DNAJC13: variants seen among roughly 807,000 people sequenced by gnomAD.
The protein encoded by DNAJC13 is dnaJ homolog subfamily C member 13.
In DNAJC13, 75 loss-of-function variants were observed where a neutral mutation model predicts 290.5. The ratio of observed to expected loss-of-function variants is 0.26; its 90% CI spans 0.21 to 0.31. The LOEUF (loss-of-function observed/expected upper bound fraction) is 0.31. Ranked by LOEUF, DNAJC13 falls within the 10% of genes least tolerant of loss-of-function variation. The pLI is 1.00. For synonymous variants in DNAJC13, 862 were observed against 892.0 expected (o/e 0.97, Z 0.60); for missense variants, 2,260 against 2,674.5 (o/e 0.85, Z 3.42).
chr3:132,478,172 GA>G lies in DNAJC13; in HGVS notation c.2709+33del, dbSNP rs764577521. The G allele has an allele frequency of 2.9e-5, 45 of 1,562,056 alleles. No individual in the cohort carries two copies. The South Asian group carries it at 3.7e-4, about 13-fold the overall frequency. Reference sequence around the variant, plus strand: ...ATATCATTTAAGGAAATTACTATTTGATAGTGTCACTAGGGTATGTGTTAAA... The same window carrying G: ...ATATCATTTAAGGAAATTACTATTTGTAGTGTCACTAGGGTATGTGTTAAA... On this transcript the variant is annotated intron_variant, in intron 24 of 55. Coordinates refer to ENST00000260818, the MANE Select transcript of DNAJC13 (RefSeq NM_015268.4).
At position 132,466,408 on chromosome 3, in the gene DNAJC13, T is replaced by C; in HGVS notation, c.2064+14T>C. ...AAAATAGCAATGGTAAATATGACTG[T>C]CCCAAGTGTGCCTTTTTTAGGAGTA... On this transcript the variant is annotated intron_variant, in intron 19 of 55. Coordinates refer to ENST00000260818, the MANE Select transcript of DNAJC13 (RefSeq NM_015268.4). 6.4e-7 allele frequency: 1 copy of C among 1,562,728 alleles called. No homozygotes were observed. The highest frequency in any genetic ancestry group is 8.6e-7 in the Non-Finnish European group (1 of 1,161,514).
At chr3:132,529,605 G>A (rs1265943490) in intron 54 of DNAJC13, among the ~76,000 whole-genome samples, 3 of 152,102 alleles carry the variant, frequency 2.0e-5, no homozygotes, top group Non-Finnish European at 4.4e-5. Context: ...GGCTAACACG[G>A]TGAAACCCCG....
intron 54 of DNAJC13, among the ~76,000 whole-genome samples, chr3:132,529,966 G>T (rs943621753): frequency 3.3e-5 from 5 of 152,142 alleles, no homozygotes; most frequent in Non-Finnish European, 5.9e-5. Flanking sequence ...ACTTGCAGCA[G>T]TTGTCTTGTC....
intron 2 of DNAJC13, among the ~76,000 whole-genome samples, chr3:132,438,286 A>G (rs1939431530): frequency 6.6e-6 from 1 of 152,212 alleles, no homozygotes; most frequent in Admixed American, 6.5e-5. Context: ...GGTGATAGTT[A>G]TCATTTCATT....
At chr3:132,445,292 A>T (rs949878851) in intron 2 of DNAJC13, among the ~76,000 whole-genome samples, 9 of 152,160 alleles carry the variant, frequency 5.9e-5, no homozygotes, top group African/African-American at 1.7e-4. Flanking sequence ...AGATATTTCA[A>T]TAAATATAAC....
At chr3:132,475,554 G>A (rs1398113718) in intron 22 of DNAJC13, among the ~76,000 whole-genome samples, 2 of 152,102 alleles carry the variant, frequency 1.3e-5, no homozygotes, top group East Asian at 3.9e-4. Flanking sequence ...TTTTATACGT[G>A]TGGGTGTATA....
In DNAJC13 at chr3:132,466,962, C is replaced by A. The variant is rs539862087; in HGVS notation, c.2065-208C>A. Among the ~76,000 whole-genome samples, 6 of 152,282 alleles carry A rather than the reference C, an allele frequency of 3.9e-5. No individual in the cohort carries two copies. In the East Asian group the frequency reaches 1.2e-3, roughly 29 times the overall value. On this transcript the variant is annotated intron_variant, in intron 19 of 55. Coordinates refer to ENST00000260818, the MANE Select transcript of DNAJC13 (RefSeq NM_015268.4). ...CAGCTCCCACTTGCATCTTGCCACC[C>A]CTCATAAAAGAATCATCTTGAAACC...
At position 132,528,313 on chromosome 3, in the gene DNAJC13, G is replaced by A. The variant is rs1936320608; in HGVS notation, c.6506G>A (p.Ser2169Asn). The A allele has an allele frequency of 1.9e-6, 3 of 1,614,188 alleles. No individual in the cohort carries two copies. The East Asian group carries it at 6.7e-5, about 36-fold the overall frequency. Residue 2169 changes from serine (S) to asparagine (N), a missense_variant, in exon 54 of 56, where the codon AGT (serine) becomes AAT (asparagine). Around this residue, in one of 3 missense-constraint regions of DNAJC13, gnomAD observed 1,494 missense variants for 1,693.7 expected, o/e 0.88. Transcript: ENST00000260818. ...AAAGCTCTCAAGGCAATGACTCGAA[G>A]TTTGCAGTATGGAGAACAGGTGAGT... ...IVKALKAMTR[S>N]LQYGEQVNEI...
chr3:132,478,511 GA>G (rs1559888178), intron 24 of DNAJC13, among the ~76,000 whole-genome samples: 2 of 152,194 alleles, frequency 1.3e-5, no homozygotes, highest in Non-Finnish European at 2.9e-5. Flanking sequence ...ACTAAATTTA[GA>G]AGTGTGAAGA....
chr3:132,451,003 A>T (rs960188206), intron 6 of DNAJC13, among the ~76,000 whole-genome samples, 156 bp downstream of exon 6: 1 of 152,322 alleles, frequency 6.6e-6, no homozygotes, highest in East Asian at 1.9e-4. Context: ...CTGAGCTTGA[A>T]TCCCAGTTTG....
Position 132,475,021 on chromosome 3 carries a change from C to A in DNAJC13, c.2381C>A (p.Ala794Glu). The A allele has an allele frequency of 6.2e-7, 1 of 1,610,934 alleles. No individual in the cohort carries two copies. Among genetic ancestry groups the A allele is most frequent in the Non-Finnish European group, 8.5e-7 (1 of 1,178,324 alleles). The change falls in exon 22 of 56, where the codon GCA becomes GAA. Residue 794 changes from alanine (A) to glutamate (E), a missense_variant. This residue lies in a region of DNAJC13 where 762 missense variants were observed against 964.1 expected (regional missense o/e 0.79). Transcript: ENST00000260818. ...LKDTLESEMR[A>E]FNIDRELGSA... ...GATACTCTTGAATCTGAAATGAGAG[C>A]ATTTAATATTGACAGAGAACTTGGA... is the stretch of plus-strand genomic sequence containing the variant.
intron 1 of DNAJC13, among the ~76,000 whole-genome samples, chr3:132,419,385 C>T (rs1162024081): frequency 8.0e-6 from 1 of 125,170 alleles, no homozygotes; most frequent in Non-Finnish European, 1.6e-5. Context: ...AAACAAAATA[C>T]TTAAGCTAAA....
chr3:132,502,644 C>T (rs1935456133), intron 40 of DNAJC13, among the ~76,000 whole-genome samples, 176 bp downstream of exon 40: 3 of 152,132 alleles, frequency 2.0e-5, no homozygotes, highest in Admixed American at 2.0e-4. Context: ...GTTGTAATTG[C>T]TTATGCTTAA....
chr3:132,447,467 A>T lies in DNAJC13; in HGVS notation c.291A>T (p.Ala97=). Residue 97 remains alanine (A), a synonymous_variant, in exon 4 of 56, where the codon GCA becomes GCT. Coordinates refer to ENST00000260818, the MANE Select transcript of DNAJC13 (RefSeq NM_015268.4). ...TEHRTELLTE[A]LRFRTDFSEG... is the part of the protein sequence containing the mutation. ...ACAGAACAGAACTTCTTACAGAAGC[A>T]TTGGTAAGAAGATTCCATGTTCATA... The T allele has an allele frequency of 7.6e-6, 12 of 1,570,368 alleles. No homozygotes were observed. The highest frequency in any genetic ancestry group is 1.0e-5 in the Non-Finnish European group (12 of 1,166,506).
chr3:132,524,467 TATAGAATAGTC>T (rs1936189112), intron 51 of DNAJC13, among the ~76,000 whole-genome samples: 1 of 152,240 alleles, frequency 6.6e-6, no homozygotes, highest in Non-Finnish European at 1.5e-5. Context: ...TTGCTGCATT[TATAGAATAGTC>T]ATAGCAGCTG....
chr3:132,490,830 A>G, intron 31 of DNAJC13, 67 bp from the exon 32 acceptor site: 1 of 1,379,160 alleles, frequency 7.3e-7, no homozygotes, highest in Non-Finnish European at 9.6e-7. Flanking sequence ...ACCATAAATC[A>G]TTTATTAGAA....
In DNAJC13 at chr3:132,499,153, A is replaced by G. The variant is rs1278937135; in HGVS notation, c.4184A>G (p.Tyr1395Cys). The change falls in exon 37 of 56, where the codon TAC becomes TGC. Residue 1395 changes from tyrosine (Y) to cysteine (C), a missense_variant. By Grantham distance (194) the Tyr-to-Cys change is radical. Around this residue, in one of 3 missense-constraint regions of DNAJC13, gnomAD observed 1,494 missense variants for 1,693.7 expected, o/e 0.88. Transcript: ENST00000260818. ...TTACAGCCTTATAAATATGCAGGAT[A>G]CCCCATGCTTATTCGGACTATAACA... The part of the protein sequence containing the change: ...EDLQPYKYAG[Y>C]PMLIRTITME... The G allele has an allele frequency of 6.2e-7, 1 of 1,610,218 alleles. No homozygotes were observed. The highest frequency in any genetic ancestry group is 1.7e-5 in the Admixed American group (1 of 59,618).
intron 36 of DNAJC13, among the ~76,000 whole-genome samples, chr3:132,497,474 A>G (rs1465718064): frequency 6.6e-6 from 1 of 151,078 alleles, no homozygotes; most frequent in Non-Finnish European, 1.5e-5. Context: ...TTGGGTAACT[A>G]AAGACAAGAG....
At chr3:132,479,990 A>T (rs931155948) in intron 25 of DNAJC13, among the ~76,000 whole-genome samples, 20 of 152,316 alleles carry the variant, frequency 1.3e-4, no homozygotes, top group Admixed American at 8.5e-4. Flanking sequence ...ATGAAAACAA[A>T]CTGGAACATT....
Sources: gnomAD v4.1 joint callset for allele counts (sites outside exome capture counted in the v4.1 genomes callset) on GRCh38, gnomAD v4.1.1 for gene constraint, gnomAD v4.1.1 regional missense constraint, MANE v1.5 for transcripts, NCBI Gene and HGNC (gene_info 2026-07-23, HGNC 2026-07-21) for gene names.